PLD5: variants seen among roughly 807,000 people sequenced by gnomAD.
PLD5 encodes phospholipase D family member 5, also known as inactive phospholipase D5.
A neutral mutation model predicts 61.1 loss-of-function variants in PLD5; 36 were observed. The ratio of observed to expected loss-of-function variants is 0.59; its 90% CI spans 0.45 to 0.78. The LOEUF is 0.78. Among genes scored for constraint, PLD5 ranks in the 30% least tolerant of loss-of-function variants. The pLI, the probability that PLD5 is intolerant of heterozygous loss-of-function variation, is 0.00. For synonymous variants in PLD5, 243 were observed against 242.8 expected (o/e 1.00, Z -0.01); for missense variants, 515 against 644.4 (o/e 0.80, Z 2.17).
intron 3 of PLD5, among the ~76,000 whole-genome samples, chr1:242,278,224 A>G (rs1310721604): frequency 6.6e-6 from 1 of 152,202 alleles, no homozygotes; most frequent in African/African-American, 2.4e-5. Flanking sequence ...GGTCATAGAA[A>G]AATAGGAAAA....
chr1:242,215,270 C>T (rs1265703380), intron 5 of PLD5, among the ~76,000 whole-genome samples: 2 of 152,030 alleles, frequency 1.3e-5, no homozygotes, highest in Non-Finnish European at 2.9e-5. Context: ...TGCCAATTCA[C>T]AATTCCAACA....
chr1:242,317,527 T>C (rs2342258), intron 2 of PLD5, among the ~76,000 whole-genome samples: 119,513 of 152,016 alleles, frequency 0.79, 47,732 homozygotes, highest in Middle Eastern at 0.86. Context: ...CTAACGGTTA[T>C]AAAGAGAAGT....
intron 3 of PLD5, among the ~76,000 whole-genome samples, chr1:242,278,187 T>C (rs1674518470): frequency 6.6e-6 from 1 of 151,974 alleles, no homozygotes; most frequent in Non-Finnish European, 1.5e-5. Flanking sequence ...AAATCTGACC[T>C]ATTCGAGTGA....
At chr1:242,362,626 A>G (rs1661132158) in intron 1 of PLD5, among the ~76,000 whole-genome samples, 1 of 151,974 alleles carries the variant, frequency 6.6e-6, no homozygotes, top group Admixed American at 6.5e-5. Flanking sequence ...GAGTAATCTC[A>G]TCTGGTGACT....
intron 4 of PLD5, among the ~76,000 whole-genome samples, chr1:242,229,374 T>C (rs1309957267): frequency 2.0e-5 from 3 of 152,218 alleles, no homozygotes; most frequent in Non-Finnish European, 2.9e-5. Context: ...CAAGAGAATG[T>C]ATGTAACTTA....
At chr1:242,480,104 C>T (rs762599176) in intron 1 of PLD5, among the ~76,000 whole-genome samples, 1 of 151,574 alleles carries the variant, frequency 6.6e-6, no homozygotes, top group Non-Finnish European at 1.5e-5. Flanking sequence ...AATTTGACTT[C>T]AAGACATACT....
chr1:242,516,063 G>A (rs1416042649), intron 1 of PLD5, among the ~76,000 whole-genome samples: 1 of 151,854 alleles, frequency 6.6e-6, no homozygotes, highest in Admixed American at 6.6e-5. Context: ...ATGACATCAA[G>A]CACCTTTTCA....
intron 5 of PLD5, among the ~76,000 whole-genome samples, chr1:242,166,983 T>C (rs1666346767): frequency 6.6e-6 from 1 of 151,794 alleles, no homozygotes; most frequent in African/African-American, 2.4e-5. Flanking sequence ...GAAGCCTAAT[T>C]TGCCTTTATA....
chr1:242,378,121 T>G (rs1203076793), intron 1 of PLD5, among the ~76,000 whole-genome samples: 1 of 152,110 alleles, frequency 6.6e-6, no homozygotes, highest in Non-Finnish European at 1.5e-5. Flanking sequence ...CAACTCAAAT[T>G]AGGAGATGAA....
chr1:242,476,200 C>G (rs913550582), intron 1 of PLD5, among the ~76,000 whole-genome samples: 1 of 151,992 alleles, frequency 6.6e-6, no homozygotes, highest in Non-Finnish European at 1.5e-5. Context: ...ACTAAAAATA[C>G]AAAAATTAGC....
chr1:242,111,486 G>A (rs536354436), intron 7 of PLD5, among the ~76,000 whole-genome samples: 2 of 151,658 alleles, frequency 1.3e-5, no homozygotes, highest in Non-Finnish European at 2.9e-5. Context: ...TTTTTTACAC[G>A]CTGTTAATCA....
At chr1:242,519,519 T>C (rs867395577) in intron 1 of PLD5, among the ~76,000 whole-genome samples, 10 of 152,224 alleles carry the variant, frequency 6.6e-5, no homozygotes, top group African/African-American at 2.2e-4. Flanking sequence ...TCTTCTGCTT[T>C]CTCTTTCAAA....
intron 5 of PLD5, among the ~76,000 whole-genome samples, chr1:242,156,274 CAGCAGACTG>C (rs1665361030): frequency 6.6e-6 from 1 of 152,176 alleles, no homozygotes. Context: ...CTCCTGAATA[CAGCAGACTG>C]ATAGGTCTTG....
At chr1:242,501,741 T>C (rs1668560751) in intron 1 of PLD5, among the ~76,000 whole-genome samples, 1 of 151,492 alleles carries the variant, frequency 6.6e-6, no homozygotes, top group African/African-American at 2.4e-5. Context: ...AGACATACTT[T>C]CCTAATTCTT....
chr1:242,317,705 G>C (rs12091864), intron 2 of PLD5, among the ~76,000 whole-genome samples: 2,609 of 150,392 alleles, frequency 0.017, 81 homozygotes, highest in African/African-American at 0.059. Context: ...AAAAGAAATA[G>C]GTTCATAGCT....
intron 1 of PLD5, among the ~76,000 whole-genome samples, chr1:242,370,404 C>T (rs1661566613): frequency 6.6e-6 from 1 of 151,932 alleles, no homozygotes; most frequent in Non-Finnish European, 1.5e-5. Flanking sequence ...CCCTTAAGGA[C>T]CTTACGGGTG....
intron 2 of PLD5, 101 bp downstream of exon 2, chr1:242,348,005 A>T: frequency 1.4e-6 from 2 of 1,439,840 alleles, no homozygotes; most frequent in Non-Finnish European, 1.9e-6. Context: ...GGGAGCCTGG[A>T]TGACTACGTG....
chr1:242,256,829 ATTTC>A lies in PLD5; in HGVS notation c.607+8504_607+8507del, dbSNP rs1401518408. Among the ~76,000 whole-genome samples the A allele has an allele frequency of 9.3e-5, 14 of 149,858 alleles. No individual in the cohort carries two copies. The highest frequency in any genetic ancestry group is 4.2e-4 in the South Asian group (2 of 4,712). ...CTATCTTTCTATGTATCTGTCATCTATTTCTTTCTTTCTGTGTATCTGCCATCTA... is the reference window on the plus strand; with the variant it reads ...CTATCTTTCTATGTATCTGTCATCTATTTCTTTCTGTGTATCTGCCATCTA... On this transcript the variant is annotated intron_variant, in intron 4 of 9. Transcript: ENST00000536534. This position sits in a 1 kb window ranked among gnomAD's most constrained non-coding sequence, Gnocchi z 5.7.
At chr1:242,193,192 A>G (rs768253129) in intron 5 of PLD5, among the ~76,000 whole-genome samples, 24 of 152,202 alleles carry the variant, frequency 1.6e-4, no homozygotes, top group Non-Finnish European at 3.2e-4. Flanking sequence ...GGCAGGAGCT[A>G]TATTTTATTA....
Sources: allele counts gnomAD v4.1 joint callset (sites outside exome capture counted in the v4.1 genomes callset), GRCh38; gene constraint gnomAD v4.1.1; non-coding constraint Gnocchi (gnomAD v3.1); transcripts MANE v1.5; gene names NCBI Gene and HGNC (gene_info 2026-07-23, HGNC 2026-07-21).